Variants in CDH13 observed in about 807,000 individuals in gnomAD.
CDH13 encodes the protein cadherin 13, also known as cadherin-13.
A neutral mutation model predicts 63.8 loss-of-function variants in CDH13; 24 were observed. The observed-to-expected ratio is 0.38, with a 90% CI of 0.27 to 0.53. CDH13 has a LOEUF of 0.53. Ranked by LOEUF, CDH13 falls within the 20% of genes least tolerant of loss-of-function variation. The probability of loss-of-function intolerance (pLI) is 0.85; values close to 1 mark genes in which losing one functional copy is unlikely to be tolerated. For synonymous variants in CDH13, 503 were observed against 355.3 expected, an observed-to-expected ratio of 1.42 and a Z score of -4.67; for missense variants, 1,049 against 903.1, an observed-to-expected ratio of 1.16 and a Z score of -2.07.
At chr16:83,142,179 T>TTTAAATTG (rs1567871407) in intron 4 of CDH13, among the ~76,000 whole-genome samples, 1 of 148,340 alleles carries the variant, frequency 6.7e-6, no homozygotes, top group African/African-American at 2.5e-5. Flanking sequence ...TTTTTTTTTT[T>TTTAAATTG]GAAATGGAGT....
At chr16:83,706,616 G>A (rs1211363378) in intron 10 of CDH13, among the ~76,000 whole-genome samples, 1 of 152,104 alleles carries the variant, frequency 6.6e-6, no homozygotes, top group Non-Finnish European at 1.5e-5. Context: ...GATTATGTCA[G>A]GCTATACAAT....
At chr16:82,738,502 T>C (rs2033788414) in intron 1 of CDH13, among the ~76,000 whole-genome samples, 1 of 152,242 alleles carries the variant, frequency 6.6e-6, no homozygotes, top group South Asian at 2.1e-4. Flanking sequence ...AAACGTTTAG[T>C]GGCTCACAAG....
At position 83,691,071 on chromosome 16, in the gene CDH13, C is replaced by CGTGTGTGTGTGTGT. The variant is rs58023339; in HGVS notation, c.1538+12645_1538+12658dup. Among the ~76,000 whole-genome samples the CGTGTGTGTGTGTGT allele has an allele frequency of 1.9e-4, 27 of 141,010 alleles. No individual in the cohort carries two copies. The East Asian group carries it at 2.8e-3, about 15-fold the overall frequency. 92.5% of individuals were successfully genotyped at this position (141,010 alleles called of 152,430 possible). ...ACAGGGATTTGCTAACCAACTGTGC[C>CGTGTGTGTGTGTGT]GTGTGTGTGTGTGTGTGTGTGTGTG... is the stretch of plus-strand genomic sequence containing the variant. On this transcript the variant is annotated intron_variant, in intron 10 of 13. Coordinates refer to ENST00000567109, the MANE Select transcript of CDH13 (RefSeq NM_001257.5).
At chr16:83,355,284 G>T (rs1464677210) in intron 6 of CDH13, among the ~76,000 whole-genome samples, 1 of 152,210 alleles carries the variant, frequency 6.6e-6, no homozygotes, top group Non-Finnish European at 1.5e-5. Context: ...GTCATTTTAT[G>T]ATGCCAGCTT....
intron 10 of CDH13, among the ~76,000 whole-genome samples, chr16:83,743,230 A>G (rs1413500172): frequency 6.6e-6 from 1 of 152,124 alleles, no homozygotes; most frequent in Non-Finnish European, 1.5e-5. Flanking sequence ...AAAATAAGCA[A>G]ACAGAGGGGA....
intron 3 of CDH13, among the ~76,000 whole-genome samples, chr16:83,044,954 T>C (rs903275808): frequency 6.6e-6 from 1 of 152,230 alleles, no homozygotes; most frequent in Non-Finnish European, 1.5e-5. Context: ...CTCTCTGATA[T>C]GCTTCTACCC....
At chr16:83,402,550 C>G (rs1007654404) in intron 6 of CDH13, among the ~76,000 whole-genome samples, 2 of 152,228 alleles carry the variant, frequency 1.3e-5, no homozygotes, top group Admixed American at 6.5e-5. Context: ...CCCAGCAAGT[C>G]TCTCCTCAAA....
intron 2 of CDH13, among the ~76,000 whole-genome samples, chr16:82,907,828 C>A (rs1045142326): frequency 6.6e-6 from 1 of 152,152 alleles, no homozygotes; most frequent in African/African-American, 2.4e-5. Context: ...TTCTATTTCT[C>A]ACTAGTATTT....
At chr16:82,631,146 T>C (rs1303033525) in intron 1 of CDH13, among the ~76,000 whole-genome samples, 2 of 152,220 alleles carry the variant, frequency 1.3e-5, no homozygotes, top group African/African-American at 4.8e-5. Context: ...TTTTCCCCTA[T>C]TGTAGTTGGT....
At chr16:83,570,735 C>G (rs1026091428) in intron 7 of CDH13, among the ~76,000 whole-genome samples, 1 of 136,698 alleles carries the variant, frequency 7.3e-6, no homozygotes, top group Non-Finnish European at 1.6e-5. Context: ...TATATATTTT[C>G]TATATATTTT....
intron 4 of CDH13, among the ~76,000 whole-genome samples, chr16:83,168,136 A>G (rs557139209): frequency 6.6e-6 from 1 of 152,180 alleles, no homozygotes; most frequent in South Asian, 2.1e-4. Context: ...CTCAAACCTC[A>G]GCGCCACACA....
chr16:83,364,553 A>G (rs1436005009), intron 6 of CDH13, among the ~76,000 whole-genome samples: 3 of 152,216 alleles, frequency 2.0e-5, no homozygotes, highest in African/African-American at 7.2e-5. Context: ...AATAGAGCTC[A>G]AGATGGAAGA....
chr16:82,663,936 A>G (rs1429656004), intron 1 of CDH13, among the ~76,000 whole-genome samples: 1 of 152,214 alleles, frequency 6.6e-6, no homozygotes, highest in Non-Finnish European at 1.5e-5. Context: ...ATTCTGCAGC[A>G]TGACAGGCAT....
At chr16:83,697,847 A>T (rs910973847) in intron 10 of CDH13, among the ~76,000 whole-genome samples, 3 of 152,178 alleles carry the variant, frequency 2.0e-5, no homozygotes, top group Non-Finnish European at 4.4e-5. Flanking sequence ...GAGTTTCACC[A>T]TGTTGGCCAG....
chr16:83,055,426 G>C (rs561221742), intron 3 of CDH13, among the ~76,000 whole-genome samples: 223 of 151,478 alleles, frequency 1.5e-3, no homozygotes, highest in Non-Finnish European at 2.5e-3. Flanking sequence ...AACAAATGGA[G>C]ACAGCACTAG....
In CDH13 at chr16:83,446,632, C is replaced by T. The variant is rs2072696175; in HGVS notation, c.782-39845C>T. ...CAATTTTCTGCTCATTTCTCCATCT[C>T]CTCTCTTTCTGGTGGTAATCAAAGG... On this transcript the variant is annotated intron_variant, in intron 6 of 13. Transcript: ENST00000567109. Among the ~76,000 whole-genome samples the T allele has an allele frequency of 2.6e-5, 4 of 152,252 alleles. No individual in the cohort carries two copies. The South Asian group carries it at 8.3e-4, about 32-fold the overall frequency.
intron 7 of CDH13, among the ~76,000 whole-genome samples, chr16:83,501,114 C>G (rs571504059): frequency 5.3e-5 from 8 of 152,354 alleles, no homozygotes; most frequent in African/African-American, 7.2e-5. Context: ...GTGATCATCA[C>G]AGACACACTG....
intron 9 of CDH13, among the ~76,000 whole-genome samples, chr16:83,673,061 A>G (rs911046659): frequency 6.6e-6 from 1 of 152,212 alleles, no homozygotes; most frequent in African/African-American, 2.4e-5. Flanking sequence ...TGAATAATAT[A>G]CAGTACTATA....
intron 2 of CDH13, among the ~76,000 whole-genome samples, chr16:83,018,324 A>G (rs760370171): frequency 1.2e-4 from 18 of 152,306 alleles, no homozygotes; most frequent in Middle Eastern, 3.4e-3. Context: ...ATGCTATTCC[A>G]CATTCACCTT....
Sources: gnomAD v4.1 joint callset for allele counts (sites outside exome capture counted in the v4.1 genomes callset) on GRCh38, gnomAD v4.1.1 for gene constraint, MANE v1.5 for transcripts, NCBI Gene and HGNC (gene_info 2026-07-23, HGNC 2026-07-21) for gene names.